Variants in CEP112 observed in about 807,000 individuals in gnomAD.
The protein encoded by CEP112 is centrosomal protein 112, also known as centrosomal protein of 112 kDa.
Under a neutral mutation model 153.0 loss-of-function variants are expected in CEP112, and 127 were observed. The observed-to-expected ratio is 0.83, with a 90% CI of 0.72 to 0.96. CEP112 has a LOEUF of 0.96. CEP112 is among the 40% of genes least tolerant of loss of function. The pLI, the probability that CEP112 is intolerant of heterozygous loss-of-function variation, is 0.00. For synonymous variants in CEP112, 358 were observed against 374.4 expected (o/e 0.96, Z 0.51); for missense variants, 1,089 against 1,101.2 (o/e 0.99, Z 0.16).
At chr17:65,973,125 C>G (rs2062908986) in intron 17 of CEP112, among the ~76,000 whole-genome samples, 1 of 152,170 alleles carries the variant, frequency 6.6e-6, no homozygotes, top group Admixed American at 6.5e-5. Context: ...AAAAAGTGAT[C>G]AAAGTCCTAA....
chr17:65,900,803 G>T (rs1016092638), intron 20 of CEP112, among the ~76,000 whole-genome samples: 3 of 152,108 alleles, frequency 2.0e-5, no homozygotes, highest in African/African-American at 7.2e-5. Context: ...AGGCTCTAAT[G>T]AGGCTGGTGG....
At chr17:66,055,451 G>A (rs1432472342) in intron 11 of CEP112, among the ~76,000 whole-genome samples, 3 of 152,124 alleles carry the variant, frequency 2.0e-5, no homozygotes, top group Non-Finnish European at 4.4e-5. Context: ...TCACATAGCT[G>A]GTACAATGCA....
chr17:66,090,642 C>A (rs2068097993), intron 8 of CEP112, among the ~76,000 whole-genome samples: 1 of 151,956 alleles, frequency 6.6e-6, no homozygotes, highest in African/African-American at 2.4e-5. Context: ...AACAAATGTT[C>A]TATAAAACAA....
At chr17:65,689,380 A>T (rs895227981) in intron 23 of CEP112, among the ~76,000 whole-genome samples, 162 bp from the exon 24 acceptor site, 4 of 152,190 alleles carry the variant, frequency 2.6e-5, no homozygotes, top group Admixed American at 6.5e-5. Flanking sequence ...TCAGGCCAAG[A>T]TGTTTTCTGC....
At chr17:66,092,300 A>G (rs2068168569) in intron 8 of CEP112, among the ~76,000 whole-genome samples, 1 of 150,960 alleles carries the variant, frequency 6.6e-6, no homozygotes, top group Non-Finnish European at 1.5e-5. Flanking sequence ...TCAGCCTCCC[A>G]AAGTGCTGGG....
chr17:65,821,256 G>C (rs963962743), intron 21 of CEP112, among the ~76,000 whole-genome samples: 2 of 151,298 alleles, frequency 1.3e-5, no homozygotes, highest in Non-Finnish European at 1.5e-5. Flanking sequence ...GTATGTGTTT[G>C]TATATTAGTA....
intron 11 of CEP112, among the ~76,000 whole-genome samples, chr17:66,057,359 C>A (rs961453695): frequency 1.3e-5 from 2 of 152,140 alleles, no homozygotes; most frequent in African/African-American, 4.8e-5. Flanking sequence ...ATCCCTATCC[C>A]ATAGAGAATA....
At chr17:65,920,407 T>TATA (rs1237715775) in intron 19 of CEP112, among the ~76,000 whole-genome samples, 5 of 60,024 alleles carry the variant, frequency 8.3e-5, no homozygotes, top group Admixed American at 1.6e-4. Context: ...ATATATATAA[T>TATA]TATAATATAT....
At position 66,132,714 on chromosome 17, in the gene CEP112, G is replaced by T. The variant is rs773319674; in HGVS notation, c.520C>A (p.Pro174Thr). The T allele has an allele frequency of 1.4e-5, 22 of 1,613,952 alleles. No homozygotes were observed. Among genetic ancestry groups the T allele is most frequent in the East Asian group, 2.2e-5 (1 of 44,872 alleles). Residue 174 changes from proline (P) to threonine (T), a missense_variant, in exon 5 of 27, where the codon CCA becomes ACA. By Grantham distance (38) the Pro-to-Thr change is conservative (BLOSUM62 -1). Coordinates refer to ENST00000535342, the MANE Select transcript of CEP112 (RefSeq NM_001199165.4). ...KLRVRSHSLSPTHREDGQNIT... is the reference protein window; with the variant it reads ...KLRVRSHSLSTTHREDGQNIT... ...TTTTGTCCATCTTCTCTGTGAGTTG[G>T]ACTCAAGGAGTGTGATCTCACTCGG...
At chr17:65,667,558 TAC>T (rs71361241) in intron 24 of CEP112, among the ~76,000 whole-genome samples, 23,738 of 149,010 alleles carry the variant, frequency 0.16, 2,245 homozygotes, top group African/African-American at 0.26. Flanking sequence ...TTTGTACTCT[TAC>T]ACACACACAC....
In CEP112 at chr17:65,690,425, CAAAAAAAA is replaced by C. The variant is rs67648497; in HGVS notation, c.2608-1215_2608-1208del. Among the ~76,000 whole-genome samples the C allele has an allele frequency of 6.5e-5, 5 of 76,704 alleles. 1 individual carries two copies. Among genetic ancestry groups the C allele is most frequent in the African/African-American group, 2.6e-4 (5 of 19,422 alleles). The allele number at this position is 76,704 out of a possible 152,430, so 50.3% of individuals were successfully genotyped here. A position where few individuals can be genotyped will look rare whatever the true frequency, so the allele number is the denominator to read the frequency against. The stretch of plus-strand genomic sequence containing the variant: ...TGGGTGACAGAATGAGACCCTGTCT[CAAAAAAAA>C]AAAAAAAAAAAAAAATCCTTGCATT... On this transcript the variant is annotated intron_variant, in intron 23 of 26. Transcript: ENST00000535342.
At chr17:66,110,078 T>C (rs1260641299) in intron 6 of CEP112, among the ~76,000 whole-genome samples, 1 of 152,206 alleles carries the variant, frequency 6.6e-6, no homozygotes, top group Non-Finnish European at 1.5e-5. Context: ...GAGAATGGTG[T>C]GAACCCAGGA....
intron 12 of CEP112, among the ~76,000 whole-genome samples, chr17:66,031,868 T>G (rs2065501632): frequency 6.6e-6 from 1 of 152,128 alleles, no homozygotes; most frequent in African/African-American, 2.4e-5. Context: ...GAGGTATTTT[T>G]CAATGACGGA....
In CEP112 at chr17:65,806,912, T is replaced by C. The variant is rs1455663178; in HGVS notation, c.2394+44892A>G. 1.3e-5 allele frequency among the ~76,000 whole-genome samples: 2 copies of C among 152,184 alleles called. 1 individual carries two copies. Among genetic ancestry groups the C allele is most frequent in the East Asian group, 3.9e-4 (2 of 5,194 alleles). On this transcript the variant is annotated intron_variant, in intron 21 of 26. Transcript: ENST00000535342. The stretch of plus-strand genomic sequence containing the variant: ...ATTTGGGCACTGCTATAAAGATACC[T>C]GAAGATGTGGAAGTGACTTTGGAAC...
intron 21 of CEP112, among the ~76,000 whole-genome samples, chr17:65,799,535 T>C (rs780683083): frequency 5.3e-5 from 8 of 152,072 alleles, no homozygotes; most frequent in Admixed American, 1.3e-4. Context: ...AGAAGTCCAG[T>C]TGGGAAGATG....
chr17:65,966,605 G>A (rs975864252), intron 17 of CEP112, among the ~76,000 whole-genome samples: 38 of 152,158 alleles, frequency 2.5e-4, no homozygotes, highest in Non-Finnish European at 7.4e-5. Flanking sequence ...TGGAAAACAA[G>A]ACTCACAAGC....
chr17:65,895,690 C>A (rs2059635357), intron 20 of CEP112, among the ~76,000 whole-genome samples: 1 of 151,936 alleles, frequency 6.6e-6, no homozygotes, highest in Non-Finnish European at 1.5e-5. Flanking sequence ...ATTAAGAAGC[C>A]CTGGTTTGCT....
chr17:65,886,488 T>G (rs976781270), intron 20 of CEP112, among the ~76,000 whole-genome samples: 2 of 152,234 alleles, frequency 1.3e-5, no homozygotes, highest in African/African-American at 4.8e-5. Context: ...GTTAAATGAA[T>G]AGTTTATTTC....
At chr17:65,840,821 C>A (rs1044639187) in intron 21 of CEP112, among the ~76,000 whole-genome samples, 2 of 151,824 alleles carry the variant, frequency 1.3e-5, no homozygotes, top group African/African-American at 2.4e-5. Context: ...ACAAATAATC[C>A]AATTTAAAAA....
Sources: allele counts gnomAD v4.1 joint callset (sites outside exome capture counted in the v4.1 genomes callset), GRCh38; gene constraint gnomAD v4.1.1; transcripts MANE v1.5; gene names NCBI Gene and HGNC (gene_info 2026-07-23, HGNC 2026-07-21).